SLAMF1: variants seen among roughly 807,000 people sequenced by gnomAD.
SLAMF1 encodes signaling lymphocytic activation molecule family member 1.
SLAMF1 carries 18 observed loss-of-function variants against 35.1 expected under a neutral mutation model. The observed-to-expected ratio is 0.51, with a 90% CI of 0.35 to 0.76. The LOEUF (loss-of-function observed/expected upper bound fraction) is 0.76, where lower values mean the gene tolerates loss of function less well. SLAMF1 is among the 30% of genes least tolerant of loss of function. SLAMF1 has a pLI of 0.01. For synonymous variants in SLAMF1, 168 were observed against 157.2 expected, an observed-to-expected ratio of 1.07 and a Z score of -0.51; for missense variants, 392 against 413.0, an observed-to-expected ratio of 0.95 and a Z score of 0.44.
chr1:160,642,111 G>A lies in SLAMF1; in HGVS notation c.77-4582C>T, dbSNP rs1389290026. ...CTACAGTATTCTTTCAGGTACAGAA[G>A]GAACAGAACTTACAGACCCCACAGT... On this transcript the variant is annotated intron_variant, in intron 1 of 6. Coordinates refer to ENST00000302035, the MANE Select transcript of SLAMF1 (RefSeq NM_003037.5). This position sits in a 1 kb window ranked among gnomAD's most constrained non-coding sequence, Gnocchi z 4.2. Among the ~76,000 whole-genome samples the A allele has an allele frequency of 6.6e-6, 1 of 152,142 alleles. No individual in the cohort carries two copies. Among genetic ancestry groups the A allele is most frequent in the East Asian group, 1.9e-4 (1 of 5,196 alleles).
At chr1:160,641,422 G>A (rs1222608925) in intron 1 of SLAMF1, among the ~76,000 whole-genome samples, 2 of 151,702 alleles carry the variant, frequency 1.3e-5, no homozygotes. Context: ...GTTGATTGGG[G>A]GAGGAGAAAG....
At chr1:160,617,682 G>A (rs1659380376) in intron 5 of SLAMF1, among the ~76,000 whole-genome samples, 1 of 152,184 alleles carries the variant, frequency 6.6e-6, no homozygotes, top group African/African-American at 2.4e-5. Flanking sequence ...GGGGAGGAGA[G>A]AGGAAGTAAT....
intron 4 of SLAMF1, among the ~76,000 whole-genome samples, chr1:160,622,832 C>T (rs1659691062): frequency 6.6e-6 from 1 of 152,188 alleles, no homozygotes; most frequent in Non-Finnish European, 1.5e-5. Context: ...GCCAAAGAGT[C>T]ATGAAATTGA....
chr1:160,613,426 G>A (rs995399436), intron 5 of SLAMF1, among the ~76,000 whole-genome samples: 3 of 152,164 alleles, frequency 2.0e-5, no homozygotes, highest in Non-Finnish European at 2.9e-5. Flanking sequence ...GCTGATATTT[G>A]TTGATGTTAC....
In SLAMF1 at chr1:160,631,249, C is replaced by T. The variant is rs529455500; in HGVS notation, c.700+3364G>A. Among the ~76,000 whole-genome samples the T allele has an allele frequency of 3.9e-5, 6 of 152,308 alleles. No individual in the cohort carries two copies. The South Asian group carries it at 1.2e-3, about 32-fold the overall frequency. On this transcript the variant is annotated intron_variant, in intron 3 of 6. Transcript: ENST00000302035. ...TATTTAGGCAATCTGGTATACTGCG[C>T]AGGGCAGGCCACAAACCAGCTGTGT... is the stretch of plus-strand genomic sequence containing the variant.
chr1:160,641,489 T>C (rs957683150), intron 1 of SLAMF1, among the ~76,000 whole-genome samples: 7 of 150,696 alleles, frequency 4.6e-5, no homozygotes, highest in Non-Finnish European at 1.0e-4. Flanking sequence ...AAAAATAAAA[T>C]AAACGAAAGA....
intron 4 of SLAMF1, chr1:160,623,556 T>C: frequency 2.5e-6 from 1 of 398,888 alleles, no homozygotes. Context: ...ACATTTTGAC[T>C]CCAGTATTGG....
Position 160,613,702 on chromosome 1 carries a change from G to A in SLAMF1, c.865-1122C>T, listed in dbSNP as rs530939910. On this transcript the variant is annotated intron_variant, in intron 5 of 6. Transcript: ENST00000302035. ...GGTTAAGGAATTAGGAAAGTTTATT[G>A]GAGGAAAAAGGGATGGGACATAATT... 6.6e-5 allele frequency among the ~76,000 whole-genome samples: 10 copies of A among 152,284 alleles called. 1 individual carries two copies. The South Asian group carries it at 2.1e-3, about 32-fold the overall frequency.
intron 6 of SLAMF1, among the ~76,000 whole-genome samples, 178 bp downstream of exon 6, chr1:160,612,310 C>G (rs1288346930): frequency 6.6e-6 from 1 of 150,952 alleles, no homozygotes; most frequent in South Asian, 2.1e-4. Flanking sequence ...CATAGGTAAA[C>G]TTGTGTCATG....
In SLAMF1 at chr1:160,634,754, G is replaced by C. The variant is rs201481918; in HGVS notation, c.559C>G (p.Pro187Ala). The C allele has an allele frequency of 1.2e-4, 186 of 1,614,162 alleles. No individual in the cohort carries two copies. The highest frequency in any genetic ancestry group is 4.7e-4 in the Admixed American group (28 of 60,030). The change falls in exon 3 of 7, where the codon CCA (proline) becomes GCA (alanine). Residue 187 changes from proline (P) to alanine (A), a missense_variant. Coordinates refer to ENST00000302035, the MANE Select transcript of SLAMF1 (RefSeq NM_003037.5). ...GACAGGAGGTGGGAGCTGTTGGCTG[G>C]GTTCAGTGGGTGGGTGCCCGCCTTT... ...SEKAGTHPLN[P>A]ANSSHLLSLT...
chr1:160,613,512 G>A (rs948954510), intron 5 of SLAMF1, among the ~76,000 whole-genome samples: 32 of 152,316 alleles, frequency 2.1e-4, no homozygotes, highest in African/African-American at 7.7e-4. Context: ...GTAAGATGCG[G>A]ATGCCATCAC....
chr1:160,645,888 G>A (rs1394000488), intron 1 of SLAMF1, among the ~76,000 whole-genome samples: 4 of 151,942 alleles, frequency 2.6e-5, no homozygotes, highest in South Asian at 4.1e-4. Flanking sequence ...TTGGATTTGC[G>A]GTCTTGAAAA....
intron 2 of SLAMF1, chr1:160,636,888 T>C (rs1338275595): frequency 2.3e-5 from 8 of 353,458 alleles, no homozygotes; most frequent in South Asian, 9.9e-5. Flanking sequence ...AAAATATTAC[T>C]TGCAAACCAA....
intron 4 of SLAMF1, among the ~76,000 whole-genome samples, chr1:160,622,259 A>T (rs1659654854): frequency 6.6e-6 from 1 of 152,230 alleles, no homozygotes; most frequent in Non-Finnish European, 1.5e-5. Context: ...TTAGGCTCTA[A>T]GGAAAAAGTC....
intron 1 of SLAMF1, among the ~76,000 whole-genome samples, chr1:160,639,963 C>T (rs552711535): frequency 6.6e-6 from 1 of 152,154 alleles, no homozygotes; most frequent in African/African-American, 2.4e-5. Context: ...TGAAGAATTT[C>T]TTCCCTTCCA....
Position 160,634,595 on chromosome 1 carries a change from T to C in SLAMF1, c.700+18A>G, listed in dbSNP as rs768510129. 4 of 1,573,470 alleles carry C rather than the reference T, an allele frequency of 2.5e-6. No homozygotes were observed. The highest frequency in any genetic ancestry group is 1.7e-4 in the Middle Eastern group (1 of 5,786). ...ATGCTCATTAAGGTGGCACACAGGC[T>C]GCCACCAGTGTACTCACCTGAGGGG... On this transcript the variant is annotated intron_variant, in intron 3 of 6. Transcript: ENST00000302035.
At chr1:160,635,194 G>C (rs1374765218) in intron 2 of SLAMF1, among the ~76,000 whole-genome samples, 2 of 152,164 alleles carry the variant, frequency 1.3e-5, no homozygotes, top group Admixed American at 6.5e-5. Flanking sequence ...CTATTCTCCT[G>C]TCTCCTATCA....
chr1:160,636,521 C>T (rs1449839545), intron 2 of SLAMF1, among the ~76,000 whole-genome samples: 1 of 152,202 alleles, frequency 6.6e-6, no homozygotes, highest in South Asian at 2.1e-4. Flanking sequence ...TCAAGAGGGA[C>T]TGGTAGTTAA....
intron 2 of SLAMF1, among the ~76,000 whole-genome samples, chr1:160,635,200 T>TA (rs1660373629): frequency 6.6e-6 from 1 of 152,240 alleles, no homozygotes; most frequent in African/African-American, 2.4e-5. Context: ...TCCTGTCTCC[T>TA]ATCAGTGGAG....
Sources: gnomAD v4.1 joint callset for allele counts (sites outside exome capture counted in the v4.1 genomes callset) on GRCh38, gnomAD v4.1.1 for gene constraint, Gnocchi (gnomAD v3.1) non-coding constraint, MANE v1.5 for transcripts, NCBI Gene and HGNC (gene_info 2026-07-23, HGNC 2026-07-21) for gene names.